CEP128: variants seen among roughly 807,000 people sequenced by gnomAD.
The protein encoded by CEP128 is centrosomal protein 128kDa.
A neutral mutation model predicts 156.7 loss-of-function variants in CEP128; 132 were observed. That is an observed-to-expected ratio of 0.84 (90% CI 0.73 to 0.97). The LOEUF (loss-of-function observed/expected upper bound fraction) is 0.97, where lower values mean the gene tolerates loss of function less well. Among genes scored for constraint, CEP128 ranks in the 50% least tolerant of loss-of-function variants. The pLI is 0.00. For missense variants in CEP128, 1,252 were observed against 1,281.9 expected, an observed-to-expected ratio of 0.98 and a Z score of 0.36; for synonymous variants, 469 against 448.9, an observed-to-expected ratio of 1.04 and a Z score of -0.57.
At chr14:80,549,209 T>C (rs1353406760) in intron 21 of CEP128, among the ~76,000 whole-genome samples, 1 of 152,178 alleles carries the variant, frequency 6.6e-6, no homozygotes. Context: ...TTGCCCTCGA[T>C]GCGAATATAC....
intron 11 of CEP128, 55 bp from the exon 12 acceptor site, chr14:80,836,392 T>C (rs1225670175): frequency 2.5e-6 from 4 of 1,602,380 alleles, no homozygotes; most frequent in Non-Finnish European, 1.7e-6. Context: ...AAAGACCTAC[T>C]TCAAATGGGC....
intron 13 of CEP128, among the ~76,000 whole-genome samples, chr14:80,803,767 T>C (rs1346128228): frequency 6.6e-6 from 1 of 152,158 alleles, no homozygotes; most frequent in Non-Finnish European, 1.5e-5. Context: ...ACAGGACAAA[T>C]GGAAAATCAA....
chr14:80,868,356 G>C (rs1397088975), intron 8 of CEP128, among the ~76,000 whole-genome samples: 1 of 152,110 alleles, frequency 6.6e-6, no homozygotes, highest in Non-Finnish European at 1.5e-5. Context: ...GAGGTAAACT[G>C]TAACATCAAT....
chr14:80,909,624 C>T (rs549208124), intron 4 of CEP128, among the ~76,000 whole-genome samples: 2 of 152,080 alleles, frequency 1.3e-5, no homozygotes, highest in East Asian at 3.9e-4. Context: ...GAAATAAAGG[C>T]GATTTTAAAT....
intron 23 of CEP128, among the ~76,000 whole-genome samples, chr14:80,521,478 G>A (rs17110717): frequency 9.2e-5 from 14 of 152,030 alleles, no homozygotes; most frequent in African/African-American, 3.1e-4. Flanking sequence ...ACGATTTTCA[G>A]ATTTTATAAC....
chr14:80,773,002 G>A (rs1416270111), intron 16 of CEP128, among the ~76,000 whole-genome samples: 3 of 152,242 alleles, frequency 2.0e-5, no homozygotes, highest in Non-Finnish European at 2.9e-5. Context: ...TTTTGTAACA[G>A]AGGAAGCTCC....
intron 15 of CEP128, among the ~76,000 whole-genome samples, chr14:80,778,370 T>C (rs889537231): frequency 1.3e-5 from 2 of 152,140 alleles, no homozygotes; most frequent in African/African-American, 4.8e-5. Flanking sequence ...GCTGGATATT[T>C]TGGAAATCCA....
intron 18 of CEP128, among the ~76,000 whole-genome samples, chr14:80,756,213 AT>A (rs1282297817): frequency 6.6e-6 from 1 of 152,170 alleles, no homozygotes; most frequent in Non-Finnish European, 1.5e-5. Flanking sequence ...ATAAATACAA[AT>A]TTGTATTTGT....
chr14:80,642,417 C>T (rs1482874353), intron 19 of CEP128, among the ~76,000 whole-genome samples: 5 of 152,176 alleles, frequency 3.3e-5, no homozygotes, highest in Admixed American at 6.5e-5. Flanking sequence ...GGTGCTATGG[C>T]TCTCACCTGA....
At chr14:80,530,293 CAT>C (rs935191964) in intron 22 of CEP128, among the ~76,000 whole-genome samples, 4 of 152,158 alleles carry the variant, frequency 2.6e-5, no homozygotes, top group African/African-American at 9.7e-5. Flanking sequence ...TAAATTAACA[CAT>C]GTAACTAATT....
rs540847373 is a variant in CEP128, at chr14:80,690,517, T to C, written c.2806+52558A>G. Among the ~76,000 whole-genome samples, 10 of 151,820 alleles carry C rather than the reference T, an allele frequency of 6.6e-5. No individual in the cohort carries two copies. The South Asian group carries it at 1.7e-3, about 25-fold the overall frequency. ...AATGATAGGTGCTGGCGTGGATAAA[T>C]TGTCACAAACACACTTATCCAGGAT... On this transcript the variant is annotated intron_variant, in intron 19 of 24. Transcript: ENST00000555265.
At chr14:80,487,354 T>A (rs377341080), downstream of CEP128, among the ~76,000 whole-genome samples, 4 of 152,112 alleles carry the variant, frequency 2.6e-5, no homozygotes, top group African/African-American at 7.2e-5. Context: ...CACCCAATAC[T>A]GGAGCACCCA....
intron 13 of CEP128, among the ~76,000 whole-genome samples, chr14:80,809,851 T>C (rs564966996): frequency 1.1e-4 from 17 of 149,786 alleles, no homozygotes; most frequent in African/African-American, 3.7e-4. Flanking sequence ...CTCAAGGGAG[T>C]CTTAAACCTG....
At chr14:80,574,941 A>G (rs1324791088) in intron 20 of CEP128, among the ~76,000 whole-genome samples, 1 of 152,120 alleles carries the variant, frequency 6.6e-6, no homozygotes, top group African/African-American at 2.4e-5. Context: ...CTGATAGACA[A>G]CTTAAAAATG....
At chr14:80,672,943 T>C (rs918926161) in intron 19 of CEP128, among the ~76,000 whole-genome samples, 1 of 152,166 alleles carries the variant, frequency 6.6e-6, no homozygotes, top group Non-Finnish European at 1.5e-5. Context: ...TTTATAAAAA[T>C]AATTTATTCT....
intron 19 of CEP128, among the ~76,000 whole-genome samples, chr14:80,636,407 C>A (rs1894182061): frequency 1.3e-5 from 2 of 152,194 alleles, no homozygotes; most frequent in Admixed American, 1.3e-4. Flanking sequence ...TCCTCTGTTT[C>A]TCAAATACAG....
intron 13 of CEP128, 88 bp downstream of exon 13, chr14:80,831,055 A>C (rs771727744): frequency 8.6e-7 from 1 of 1,165,028 alleles, no homozygotes; most frequent in Non-Finnish European, 1.3e-6. Flanking sequence ...TTCATAAAAT[A>C]ACACATCTTT....
At chr14:80,847,634 A>G (rs1383959544) in intron 9 of CEP128, among the ~76,000 whole-genome samples, 1 of 152,184 alleles carries the variant, frequency 6.6e-6, no homozygotes, top group Non-Finnish European at 1.5e-5. Flanking sequence ...TTCCTAAAAT[A>G]ATGTGAAAAT....
chr14:80,621,401 G>A (rs1356461088), intron 19 of CEP128, among the ~76,000 whole-genome samples: 1 of 152,094 alleles, frequency 6.6e-6, no homozygotes, highest in African/African-American at 2.4e-5. Flanking sequence ...TTCTTTGATT[G>A]TGTAAGAACT....
Sources: gnomAD v4.1 joint callset for allele counts (sites outside exome capture counted in the v4.1 genomes callset) on GRCh38, gnomAD v4.1.1 for gene constraint, MANE v1.5 for transcripts, NCBI Gene and HGNC (gene_info 2026-07-23, HGNC 2026-07-21) for gene names.